Variants in LIPE observed in about 807,000 individuals in gnomAD.
LIPE encodes lipase E, hormone sensitive type.
LIPE carries 66 observed loss-of-function variants against 88.5 expected under a neutral mutation model. The observed-to-expected ratio is 0.75, with a 90% confidence interval of 0.61 to 0.91. LIPE has a LOEUF of 0.91. Among genes scored for constraint, LIPE ranks in the 40% least tolerant of loss-of-function variants. LIPE has a pLI of 0.00. For missense variants in LIPE, 1,346 were observed against 1,434.7 expected, an observed-to-expected ratio of 0.94 and a Z score of 1.00; for synonymous variants, 570 against 617.5, an observed-to-expected ratio of 0.92 and a Z score of 1.14.
rs1179080730 is a variant in LIPE, at chr19:42,408,258, T to G, written c.1484A>C (p.His495Pro). Residue 495 changes from histidine to proline, a missense_variant, in exon 3 of 10, where the codon CAC becomes CCC. Physicochemically the swap from His to Pro is moderately conservative, Grantham distance 77. Coordinates refer to ENST00000244289, the MANE Select transcript of LIPE (RefSeq NM_005357.4). This position sits in a 1 kb window ranked among gnomAD's most constrained non-coding sequence, Gnocchi z 4.3. The stretch of plus-strand genomic sequence containing the variant: ...GAGGCCTGTCTCGTTGCGTTTGTAG[T>G]GCTCCCCGAAGGACACCAGCCCAAT... ...ISIGLVSFGEHYKRNETGLSV... is the reference protein window; with the variant it reads ...ISIGLVSFGEPYKRNETGLSV... The G allele has an allele frequency of 1.9e-6, 3 of 1,613,858 alleles. No homozygotes were observed. The highest frequency in any genetic ancestry group is 2.7e-5 in the African/African-American group (2 of 74,856).
chr19:42,419,040 A>G (rs1473927265), intron 1 of LIPE, among the ~76,000 whole-genome samples: 1 of 152,118 alleles, frequency 6.6e-6, no homozygotes, highest in African/African-American at 2.4e-5. Context: ...CCACTTTGGG[A>G]GGCTGAGGCC....
chr19:42,410,918 A>G lies in LIPE; in HGVS notation c.884-76T>C. 7.3e-7 allele frequency: 1 copy of G among 1,366,964 alleles called. No homozygotes were observed. Among genetic ancestry groups the G allele is most frequent in the South Asian group, 1.4e-5 (1 of 70,476 alleles). The allele number at this position is 1,366,964 out of a possible 1,614,324, so 84.7% of individuals were successfully genotyped here. A position where few individuals can be genotyped will look rare whatever the true frequency, so the allele number is the denominator to read the frequency against. The stretch of plus-strand genomic sequence containing the variant: ...TAGCTGGGGCCCAGGAGTCTGGGCC[A>G]TAGCTTACCCACTCCTCCTTCAAAC... On this transcript the variant is annotated intron_variant, in intron 1 of 9. Coordinates refer to ENST00000244289, the MANE Select transcript of LIPE (RefSeq NM_005357.4). This position sits in a 1 kb window ranked among gnomAD's most constrained non-coding sequence, Gnocchi z 6.1.
chr19:42,407,357 C>T lies in LIPE; in HGVS notation c.1954G>A (p.Gly652Ser), dbSNP rs373950644. Reference sequence around the variant, plus strand: ...GAGGTCTGGGCCACAAAGCCACCGCCGTGGAAGTGCACTATCAGGGACCGC... The same window carrying T: ...GAGGTCTGGGCCACAAAGCCACCGCTGTGGAAGTGCACTATCAGGGACCGC... ...RSRSLIVHFH[G>S]GGFVAQTSRS... The change falls in exon 6 of 10, where the codon GGC becomes AGC. Residue 652 changes from glycine (G) to serine (S), a missense_variant. Gly to Ser is a moderately conservative substitution (Grantham distance 56). Transcript: ENST00000244289. The surrounding 1 kb of genome is among the most constrained non-coding windows in gnomAD (Gnocchi z 5.8). The T allele has an allele frequency of 1.0e-4, 163 of 1,613,312 alleles. No individual in the cohort carries two copies. The highest frequency in any genetic ancestry group is 1.2e-4 in the Admixed American group (7 of 59,888).
At position 42,403,103 on chromosome 19, in the gene LIPE, G is replaced by A. The variant is rs779412264; in HGVS notation, c.2543-72C>T. The A allele has an allele frequency of 1.8e-5, 26 of 1,412,204 alleles. No individual in the cohort carries two copies. In the African/African-American group the frequency reaches 3.4e-4, roughly 19 times the overall value. 87.5% of individuals were successfully genotyped at this position (1,412,204 alleles called of 1,614,324 possible). A position where few individuals can be genotyped will look rare whatever the true frequency, so the allele number is the denominator to read the frequency against. ...GTGTGTGGCTGGCAGGGAATGCCAT[G>A]GGAAGGGCAGTCGCCTGTGGAGCGC... On this transcript the variant is annotated intron_variant, in intron 8 of 9. Coordinates refer to ENST00000244289, the MANE Select transcript of LIPE (RefSeq NM_005357.4).
At position 42,410,280 on chromosome 19, in the gene LIPE, C is replaced by T. The variant is rs1476154558; in HGVS notation, c.1419+27G>A. On this transcript the variant is annotated intron_variant, in intron 2 of 9. Transcript: ENST00000244289. This position sits in a 1 kb window ranked among gnomAD's most constrained non-coding sequence, Gnocchi z 6.1. ...CCACCAGGTGCCTTCATTGTGGGCC[C>T]AGAGGGGCACGGGGCAGGGGGCTCA... is the stretch of plus-strand genomic sequence containing the variant. 1 of 1,534,468 alleles carries T rather than the reference C, an allele frequency of 6.5e-7. No homozygotes were observed. Among genetic ancestry groups the T allele is most frequent in the African/African-American group, 1.4e-5 (1 of 72,920 alleles).
chr19:42,407,767 T>C lies in LIPE; in HGVS notation c.1681A>G (p.Thr561Ala). Residue 561 changes from threonine to alanine, a missense_variant, in exon 5 of 10, where the codon ACC (threonine) becomes GCC (alanine). Transcript: ENST00000244289. The surrounding 1 kb of genome is among the most constrained non-coding windows in gnomAD (Gnocchi z 5.8). Reference protein sequence around the residue: ...LSSLANMASATVRVSRLLSLP... With the variant: ...LSSLANMASAAVRVSRLLSLP... The stretch of plus-strand genomic sequence containing the variant: ...CTGAGCAGGCGGCTTACCCTCACGG[T>C]GGCCGATGCCATGTTGGCCAGAGAC... 6.5e-7 allele frequency: 1 copy of C among 1,549,194 alleles called. No homozygotes were observed. The highest frequency in any genetic ancestry group is 1.9e-5 in the Admixed American group (1 of 51,494).
chr19:42,423,548 G>T (rs1224970971), intron 1 of LIPE: 4 of 1,243,748 alleles, frequency 3.2e-6, no homozygotes, highest in Non-Finnish European at 4.1e-6. Flanking sequence ...AATTCCCCGC[G>T]GTCCTCCCGC....
rs2040713754 is a variant in LIPE at position 42,426,675 on chromosome 19, C to T, written c.475G>A (p.Ala159Thr). The change falls in exon 1 of 10, where the codon GCC becomes ACC. Residue 159 changes from alanine (A) to threonine (T), a missense_variant. Ala to Thr is a moderately conservative substitution (Grantham distance 58). Transcript: ENST00000244289. ...CTTTTGGCTCCAGGTTTAGCCTGGG[C>T]CGCAGGTGTTGATTCAGCTTCTTGT... ...AQQEAESTPAAQAKPGAKREP... is the reference protein window; with the variant it reads ...AQQEAESTPATQAKPGAKREP... The T allele has an allele frequency of 6.2e-7, 1 of 1,614,092 alleles. No individual in the cohort carries two copies. Among genetic ancestry groups the T allele is most frequent in the African/African-American group, 1.3e-5 (1 of 74,926 alleles).
At chr19:42,422,725 A>C (rs1328764810) in intron 1 of LIPE, among the ~76,000 whole-genome samples, 1 of 152,116 alleles carries the variant, frequency 6.6e-6, no homozygotes, top group Non-Finnish European at 1.5e-5. Flanking sequence ...GAGACCTGAA[A>C]ATAATGTGAC....
intron 1 of LIPE, chr19:42,424,341 C>CA: frequency 2.2e-6 from 1 of 457,328 alleles, no homozygotes; most frequent in Non-Finnish European, 4.4e-6. Context: ...GGCTTGCTCA[C>CA]ACGCACACAG....
Position 42,407,497 on chromosome 19 carries a change from A to G in LIPE, c.1843-29T>C. ...GGGGTGAGGAGGGAGACGGTGTGTGAGGTTGGGGAGAGCTGGCCAGGGCTG... is the reference window on the plus strand; with the variant it reads ...GGGGTGAGGAGGGAGACGGTGTGTGGGGTTGGGGAGAGCTGGCCAGGGCTG... On this transcript the variant is annotated intron_variant, in intron 5 of 9. Transcript: ENST00000244289. This position sits in a 1 kb window ranked among gnomAD's most constrained non-coding sequence, Gnocchi z 5.8. The G allele has an allele frequency of 6.3e-7, 1 of 1,596,196 alleles. No individual in the cohort carries two copies.
At chr19:42,420,625 C>G (rs2040579797) in intron 1 of LIPE, among the ~76,000 whole-genome samples, 1 of 152,066 alleles carries the variant, frequency 6.6e-6, no homozygotes, top group African/African-American at 2.4e-5. Flanking sequence ...GTCCTGCCCA[C>G]TATGCCTACT....
rs1308856793 is a variant in LIPE, at chr19:42,402,015, G to C, written c.3028C>G (p.Leu1010Val). 2.6e-6 allele frequency: 4 copies of C among 1,543,596 alleles called. No individual in the cohort carries two copies. Among genetic ancestry groups the C allele is most frequent in the East Asian group, 4.9e-5 (2 of 40,462 alleles). Residue 1010 changes from leucine to valine, a missense_variant, in exon 10 of 10, where the codon CTG becomes GTG. Leu to Val is a conservative substitution (Grantham distance 32). Coordinates refer to ENST00000244289, the MANE Select transcript of LIPE (RefSeq NM_005357.4). ...ACGCGCAGCGTCACCGGCTGGCCCAGGTTGCGCAGTCGCCGCGCGAGCATG... is the reference window on the plus strand; with the variant it reads ...ACGCGCAGCGTCACCGGCTGGCCCACGTTGCGCAGTCGCCGCGCGAGCATG... ...SVMLARRLRNLGQPVTLRVVE... is the reference protein window; with the variant it reads ...SVMLARRLRNVGQPVTLRVVE...
Position 42,407,600 on chromosome 19 carries a change from C to T in LIPE, c.1842+6G>A, listed in dbSNP as rs1170367686. Reference sequence around the variant, plus strand: ...TCCCTGTCCCTGGCTGAGGCTGGAACCCTACCTGTCCTTCACGCAGGTCAT... The same window carrying T: ...TCCCTGTCCCTGGCTGAGGCTGGAATCCTACCTGTCCTTCACGCAGGTCAT... On this transcript the variant is annotated splice_donor_region_variant and intron_variant, in intron 5 of 9. Transcript: ENST00000244289. This position sits in a 1 kb window ranked among gnomAD's most constrained non-coding sequence, Gnocchi z 5.8. 1 of 1,601,988 alleles carries T rather than the reference C, an allele frequency of 6.2e-7. No homozygotes were observed. Among genetic ancestry groups the T allele is most frequent in the Non-Finnish European group, 8.5e-7 (1 of 1,173,162 alleles).
intron 1 of LIPE, chr19:42,423,333 G>A: frequency 9.6e-7 from 1 of 1,044,312 alleles, no homozygotes. Flanking sequence ...AACTCCCTGT[G>A]GCAGTGGGCC....
chr19:42,424,594 C>G (rs568797631), intron 1 of LIPE: 3 of 456,326 alleles, frequency 6.6e-6, no homozygotes, highest in South Asian at 3.1e-5. Context: ...CGCTGAGAAA[C>G]GCGTTACTCT....
chr19:42,420,979 G>C (rs1600143893), intron 1 of LIPE, among the ~76,000 whole-genome samples: 2 of 151,974 alleles, frequency 1.3e-5, no homozygotes, highest in East Asian at 3.9e-4. Flanking sequence ...GCTCACTGCA[G>C]CCTCAACCTC....
chr19:42,412,542 G>C (rs950788395), intron 1 of LIPE: 1 of 985,942 alleles, frequency 1.0e-6, no homozygotes, highest in African/African-American at 1.7e-5. Flanking sequence ...CAGAGTAGAG[G>C]GCTCAGCTCC....
chr19:42,407,463 A>G lies in LIPE; in HGVS notation c.1848T>C (p.Ser616=). 1 of 1,611,158 alleles carries G rather than the reference A, an allele frequency of 6.2e-7. No individual in the cohort carries two copies. Among genetic ancestry groups the G allele is most frequent in the Non-Finnish European group, 8.5e-7 (1 of 1,178,076 alleles). ...ACTTTATCAGGCTGCTGAGCTCCTC[A>G]CTGTCCTGGGGGTGAGGAGGGAGAC... ...ISYDLREGQD[S]EELSSLIKSN... The change falls in exon 6 of 10, where the codon AGT becomes AGC. Residue 616 remains serine, a synonymous_variant. Coordinates refer to ENST00000244289, the MANE Select transcript of LIPE (RefSeq NM_005357.4). The surrounding 1 kb of genome is among the most constrained non-coding windows in gnomAD (Gnocchi z 5.8).
Sources: allele counts gnomAD v4.1 joint callset (sites outside exome capture counted in the v4.1 genomes callset), GRCh38; gene constraint gnomAD v4.1.1; non-coding constraint Gnocchi (gnomAD v3.1); transcripts MANE v1.5; gene names NCBI Gene and HGNC (gene_info 2026-07-23, HGNC 2026-07-21).